MINPP1: variants seen among roughly 807,000 people sequenced by gnomAD.
MINPP1 encodes the protein multiple inositol polyphosphate phosphatase 1.
In MINPP1, 28 loss-of-function variants were observed where a neutral mutation model predicts 46.1. The observed-to-expected ratio is 0.61, with a 90% CI of 0.45 to 0.83. MINPP1 has a LOEUF of 0.83. MINPP1 is among the 40% of genes least tolerant of loss of function. The pLI is 0.00. For synonymous variants in MINPP1, 268 were observed against 249.1 expected (o/e 1.08, Z -0.72); for missense variants, 603 against 610.0 (o/e 0.99, Z 0.12).
chr10:87,536,749 A>G lies in MINPP1; in HGVS notation c.1068-15333A>G, dbSNP rs192593193. On this transcript the variant is annotated intron_variant, in intron 4 of 4. Coordinates refer to ENST00000371996, the MANE Select transcript of MINPP1 (RefSeq NM_004897.5). ...ATCTAATAGTTCATTCCTTTTTAAGACCAAGTAGTATTCTGTTACATAGAT... is the reference window on the plus strand; with the variant it reads ...ATCTAATAGTTCATTCCTTTTTAAGGCCAAGTAGTATTCTGTTACATAGAT... Among the ~76,000 whole-genome samples, 571 of 152,310 alleles carry G rather than the reference A, an allele frequency of 3.7e-3. 6 individuals are homozygous for G. Among genetic ancestry groups the G allele is most frequent in the African/African-American group, 0.013 (535 of 41,568 alleles).
chr10:87,508,519 A>G lies in MINPP1; in HGVS notation c.821A>G (p.Asn274Ser), dbSNP rs898171357. The G allele has an allele frequency of 3.7e-6, 6 of 1,612,490 alleles. No individual in the cohort carries two copies. The highest frequency in any genetic ancestry group is 4.2e-6 in the Non-Finnish European group (5 of 1,178,768). ...GCAGCTACTTTGCAAGTGCCAGTAA[A>G]TGATTTAAATGCAGGTAATATGTCT... is the stretch of plus-strand genomic sequence containing the variant. ...KVAATLQVPV[N>S]DLNADLIQVA... Residue 274 changes from asparagine to serine, a missense_variant, in exon 2 of 5, where the codon AAT (asparagine) becomes AGT (serine). Asn to Ser is a conservative substitution (Grantham distance 46). Coordinates refer to ENST00000371996, the MANE Select transcript of MINPP1 (RefSeq NM_004897.5).
chr10:87,532,899 G>T (rs1851679639), intron 4 of MINPP1, among the ~76,000 whole-genome samples: 1 of 151,978 alleles, frequency 6.6e-6, no homozygotes, highest in East Asian at 1.9e-4. Context: ...TTGACAGTCA[G>T]GCACCAGTGT....
chr10:87,529,616 T>C (rs1356833824), intron 4 of MINPP1, among the ~76,000 whole-genome samples: 1 of 152,202 alleles, frequency 6.6e-6, no homozygotes, highest in Non-Finnish European at 1.5e-5. Context: ...ACCCGACCTT[T>C]CTCTCTGGCT....
At chr10:87,549,434 G>C (rs1249686479) in intron 4 of MINPP1, among the ~76,000 whole-genome samples, 2 of 152,108 alleles carry the variant, frequency 1.3e-5, no homozygotes, top group Non-Finnish European at 2.9e-5. Context: ...CCATACCACT[G>C]TCTGTCCTGT....
intron 3 of MINPP1, 65 bp from the exon 4 acceptor site, chr10:87,520,971 A>G (rs973949635): frequency 8.4e-6 from 6 of 712,312 alleles, no homozygotes; most frequent in African/African-American, 1.8e-5. Context: ...GAGAATCATT[A>G]TTAAATCAGG....
chr10:87,526,720 G>A (rs577745739), intron 4 of MINPP1, among the ~76,000 whole-genome samples: 1 of 152,242 alleles, frequency 6.6e-6, no homozygotes, highest in East Asian at 1.9e-4. Context: ...ATTAATTTTT[G>A]TATAAGGTGT....
intron 4 of MINPP1, among the ~76,000 whole-genome samples, chr10:87,543,032 G>C (rs1851838343): frequency 6.6e-6 from 1 of 152,160 alleles, no homozygotes; most frequent in African/African-American, 2.4e-5. Context: ...TGAAGTCTAG[G>C]CTGATGAGGT....
At chr10:87,551,238 C>G (rs1486378285) in intron 4 of MINPP1, among the ~76,000 whole-genome samples, 1 of 151,882 alleles carries the variant, frequency 6.6e-6, no homozygotes, top group East Asian at 1.9e-4. Context: ...CTGCTTCTAT[C>G]CTCCCAGAAA....
chr10:87,520,057 A>AGTTGTGTGTGTGTGTGTGTGTGTGT (rs1554852418), intron 3 of MINPP1, among the ~76,000 whole-genome samples: 36 of 147,472 alleles, frequency 2.4e-4, no homozygotes, highest in African/African-American at 8.4e-4. Context: ...TAAAAGGTAT[A>AGTTGTGTGTGTGTGTGTGTGTGTGT]GTGTGTGTGT....
intron 4 of MINPP1, among the ~76,000 whole-genome samples, chr10:87,545,982 G>T (rs1174627138): frequency 6.6e-6 from 1 of 152,176 alleles, no homozygotes; most frequent in Admixed American, 6.5e-5. Flanking sequence ...TTCAGCCCCG[G>T]AGGCCACATG....
At chr10:87,512,272 CA>C (rs1851345527) in intron 2 of MINPP1, among the ~76,000 whole-genome samples, 1 of 152,154 alleles carries the variant, frequency 6.6e-6, no homozygotes, top group African/African-American at 2.4e-5. Flanking sequence ...AGCAAATTAG[CA>C]GTGTAAAAAT....
intron 4 of MINPP1, among the ~76,000 whole-genome samples, chr10:87,536,985 A>G (rs937629900): frequency 9.2e-5 from 14 of 151,844 alleles, no homozygotes; most frequent in Admixed American, 9.2e-4. Context: ...TGGCCAGGCT[A>G]GAGTGCAGCG....
intron 3 of MINPP1, among the ~76,000 whole-genome samples, chr10:87,516,120 C>T (rs768512673): frequency 9.7e-6 from 1 of 103,266 alleles, no homozygotes; most frequent in African/African-American, 2.9e-5. Flanking sequence ...TGAGCCACCG[C>T]ACCTGGCCAA....
chr10:87,536,942 C>CTT (rs968287819), intron 4 of MINPP1, among the ~76,000 whole-genome samples: 1 of 146,514 alleles, frequency 6.8e-6, no homozygotes. Flanking sequence ...GTATTTTTCA[C>CTT]TTTTTTTTTT....
At chr10:87,538,732 G>A (rs1273516393) in intron 4 of MINPP1, among the ~76,000 whole-genome samples, 1 of 152,108 alleles carries the variant, frequency 6.6e-6, no homozygotes, top group Non-Finnish European at 1.5e-5. Flanking sequence ...TTGCTTATTT[G>A]TATACTTACA....
intron 2 of MINPP1, among the ~76,000 whole-genome samples, chr10:87,512,101 T>C (rs1275408444): frequency 2.0e-5 from 3 of 152,106 alleles, no homozygotes; most frequent in Non-Finnish European, 2.9e-5. Flanking sequence ...ACCACTGCAG[T>C]TGACTTTTTT....
At chr10:87,519,072 A>G (rs574130947) in intron 3 of MINPP1, among the ~76,000 whole-genome samples, 4 of 152,262 alleles carry the variant, frequency 2.6e-5, no homozygotes, top group Non-Finnish European at 5.9e-5. Flanking sequence ...CAGGAGAGAG[A>G]TTCTGTTTCC....
chr10:87,511,175 T>G (rs1257753022), intron 2 of MINPP1, among the ~76,000 whole-genome samples: 1 of 152,226 alleles, frequency 6.6e-6, no homozygotes, highest in Non-Finnish European at 1.5e-5. Context: ...ATGGATATAT[T>G]AATTATATCT....
intron 2 of MINPP1, chr10:87,509,683 G>A: frequency 3.3e-6 from 1 of 298,816 alleles, no homozygotes; most frequent in Non-Finnish European, 6.9e-6. Context: ...TCCCATGCCA[G>A]TTTTATACAT....
Sources: allele counts gnomAD v4.1 joint callset (sites outside exome capture counted in the v4.1 genomes callset), GRCh38; gene constraint gnomAD v4.1.1; transcripts MANE v1.5; gene names NCBI Gene and HGNC (gene_info 2026-07-23, HGNC 2026-07-21).